MUC7: variants seen among roughly 807,000 people sequenced by gnomAD.
MUC7 encodes the protein mucin-7.
A neutral mutation model predicts 2.5 loss-of-function variants in MUC7; 2 were observed. That is an observed-to-expected ratio of 0.81 (90% CI 0.33 to 2.55). The LOEUF (loss-of-function observed/expected upper bound fraction) is 2.55. Among genes scored for constraint, MUC7 ranks in the 30% most tolerant of loss-of-function variants. The pLI is 0.11. For missense variants in MUC7, 408 were observed against 455.6 expected, an observed-to-expected ratio of 0.90 and a Z score of 0.95; for synonymous variants, 133 against 173.4, an observed-to-expected ratio of 0.77 and a Z score of 1.83.
upstream of MUC7, among the ~76,000 whole-genome samples, chr4:70,468,454 G>A (rs1433617135): frequency 6.6e-6 from 1 of 152,114 alleles, no homozygotes; most frequent in Non-Finnish European, 1.5e-5. Context: ...CAAATAGGAA[G>A]AGAGGAAGTC....
rs533597593 is a variant in MUC7 at position 70,449,189 on chromosome 4, T to C, written c.-93+18502T>C. Among the ~76,000 whole-genome samples, 6 of 152,294 alleles carry C rather than the reference T, an allele frequency of 3.9e-5. No individual in the cohort carries two copies. In the South Asian group the frequency reaches 1.2e-3, roughly 32 times the overall value. On this transcript the variant is annotated intron_variant, in intron 1 of 3. Coordinates refer to the MUC7 transcript ENST00000413702. The stretch of plus-strand genomic sequence containing the variant: ...AGTTTGAGTAGGAGTTGGGTATTTA[T>C]TGTGGTCTTCTGTATTAGTCTGTTT...
chr4:70,435,885 A>T (rs1477691402), intron 1 of MUC7, among the ~76,000 whole-genome samples: 2 of 152,178 alleles, frequency 1.3e-5, no homozygotes, highest in Non-Finnish European at 2.9e-5. Context: ...GAACTCTTGT[A>T]AGGCAGGCCT....
intron 1 of MUC7, among the ~76,000 whole-genome samples, chr4:70,463,207 A>AT (rs1045267143): frequency 9.9e-5 from 15 of 152,140 alleles, no homozygotes; most frequent in African/African-American, 3.4e-4. Context: ...CACAAAAAAA[A>AT]ATCCTAAAAT....
intron 1 of MUC7, among the ~76,000 whole-genome samples, chr4:70,449,038 C>A (rs1239780369): frequency 6.6e-6 from 1 of 152,078 alleles, no homozygotes; most frequent in East Asian, 1.9e-4. Flanking sequence ...CTGTTCTTTC[C>A]TCAATGGATG....
intron 1 of MUC7, among the ~76,000 whole-genome samples, chr4:70,437,510 G>T (rs757748461): frequency 6.6e-6 from 1 of 152,216 alleles, no homozygotes; most frequent in East Asian, 1.9e-4. Flanking sequence ...GGCTCCATGG[G>T]CGTGGGACTC....
intron 1 of MUC7, among the ~76,000 whole-genome samples, chr4:70,436,744 C>T (rs1436975440): frequency 4.6e-5 from 7 of 152,160 alleles, no homozygotes; most frequent in African/African-American, 1.7e-4. Context: ...TCCTTGCTGG[C>T]AAGGAGCTGT....
chr4:70,442,540 A>G (rs1003063517), intron 1 of MUC7, among the ~76,000 whole-genome samples: 2 of 152,214 alleles, frequency 1.3e-5, no homozygotes, highest in African/African-American at 4.8e-5. Context: ...ACATATGCAC[A>G]GTAGCAGCAT....
At chr4:70,448,371 C>T (rs1734194729) in intron 1 of MUC7, among the ~76,000 whole-genome samples, 1 of 152,158 alleles carries the variant, frequency 6.6e-6, no homozygotes, top group South Asian at 2.1e-4. Flanking sequence ...AAACTGTTCT[C>T]CACAGTGTTT....
chr4:70,458,645 A>G (rs1455946587), intron 1 of MUC7, among the ~76,000 whole-genome samples: 3 of 152,172 alleles, frequency 2.0e-5, no homozygotes, highest in Middle Eastern at 3.2e-3. Flanking sequence ...AGAAAAAAAG[A>G]GAAACAAAAC....
chr4:70,476,773 C>A (rs41452147), intron 2 of MUC7, among the ~76,000 whole-genome samples: 1 of 152,072 alleles, frequency 6.6e-6, no homozygotes, highest in Admixed American at 6.5e-5. Context: ...GGTGACAGAG[C>A]GAGACTCCGT....
intron 1 of MUC7, among the ~76,000 whole-genome samples, chr4:70,459,612 T>C (rs1169444356): frequency 6.6e-6 from 1 of 152,168 alleles, no homozygotes; most frequent in African/African-American, 2.4e-5. Flanking sequence ...TTCACATTTT[T>C]TACAAATATG....
intron 2 of MUC7, among the ~76,000 whole-genome samples, chr4:70,478,320 A>G (rs1367490143): frequency 6.6e-6 from 1 of 152,182 alleles, no homozygotes; most frequent in East Asian, 1.9e-4. Flanking sequence ...ATTAATAGCT[A>G]ATGAGTACCT....
intron 1 of MUC7, among the ~76,000 whole-genome samples, chr4:70,437,583 C>G (rs958758187): frequency 6.6e-6 from 1 of 152,176 alleles, no homozygotes; most frequent in Admixed American, 6.5e-5. Context: ...GGTAAAAGTG[C>G]AGTATTTGTG....
chr4:70,473,553 C>G (rs1734903952), intron 1 of MUC7, among the ~76,000 whole-genome samples: 1 of 152,078 alleles, frequency 6.6e-6, no homozygotes, highest in African/African-American at 2.4e-5. Flanking sequence ...CAAGTGACAG[C>G]CTTATAGCAC....
At chr4:70,441,755 T>A (rs986304141) in intron 1 of MUC7, among the ~76,000 whole-genome samples, 3 of 152,186 alleles carry the variant, frequency 2.0e-5, no homozygotes, top group African/African-American at 7.2e-5. Context: ...ACAAAGTAGA[T>A]CTCAGTATCC....
At chr4:70,452,801 G>A (rs1469110151) in intron 1 of MUC7, among the ~76,000 whole-genome samples, 1 of 152,124 alleles carries the variant, frequency 6.6e-6, no homozygotes, top group Non-Finnish European at 1.5e-5. Flanking sequence ...GCCCTCAGAT[G>A]ATTTCTTATT....
chr4:70,460,294 G>C (rs973421911), intron 1 of MUC7, among the ~76,000 whole-genome samples: 14 of 152,060 alleles, frequency 9.2e-5, no homozygotes, highest in Non-Finnish European at 1.5e-4. Context: ...TGGTGAAAGA[G>C]AAAAATCCAC....
chr4:70,479,438 G>C (rs556897722), intron 2 of MUC7, among the ~76,000 whole-genome samples: 33 of 152,246 alleles, frequency 2.2e-4, no homozygotes, highest in Non-Finnish European at 4.4e-4. Flanking sequence ...ACTAAACTTT[G>C]TGTCCAAAGA....
At chr4:70,467,173 G>A (rs916002885) in intron 1 of MUC7, among the ~76,000 whole-genome samples, 1 of 152,134 alleles carries the variant, frequency 6.6e-6, no homozygotes, top group Non-Finnish European at 1.5e-5. Flanking sequence ...GTTAAATAAG[G>A]AAATTAAGGC....
Sources: allele counts gnomAD v4.1 joint callset (sites outside exome capture counted in the v4.1 genomes callset), GRCh38; gene constraint gnomAD v4.1.1; transcripts MANE v1.5; gene names NCBI Gene and HGNC (gene_info 2026-07-23, HGNC 2026-07-21).